Variants in TOPAZ1 observed in about 807,000 individuals in gnomAD.
TOPAZ1 encodes the protein testis and ovary specific TOPAZ 1.
A neutral mutation model predicts 172.2 loss-of-function variants in TOPAZ1; 66 were observed. The observed-to-expected ratio is 0.38, with a 90% CI of 0.31 to 0.47. The LOEUF (loss-of-function observed/expected upper bound fraction) is 0.47. TOPAZ1 is among the 20% of genes least tolerant of loss of function. TOPAZ1 has a pLI of 0.99. For missense variants in TOPAZ1, 1,822 were observed against 1,972.4 expected (o/e 0.92, Z 1.44); for synonymous variants, 681 against 683.9 (o/e 1.00, Z 0.07).
At chr3:44,326,395 T>C (rs1386894456) in intron 18 of TOPAZ1, among the ~76,000 whole-genome samples, 1 of 152,242 alleles carries the variant, frequency 6.6e-6, no homozygotes, top group African/African-American at 2.4e-5. Flanking sequence ...TTCATATCCC[T>C]AATAACTAAT....
At chr3:44,298,909 A>ATATATATATATATATATATTT (rs1287571186) in intron 12 of TOPAZ1, among the ~76,000 whole-genome samples, 1 of 41,312 alleles carries the variant, frequency 2.4e-5, no homozygotes, top group African/African-American at 7.7e-5. Context: ...ATATATATAT[A>ATATATATATATATATATATTT]TTTTTTTTTT....
chr3:44,254,821 T>TCATTATAGGTGCACTG, intron 2 of TOPAZ1, 147 bp from the exon 3 acceptor site: 1 of 493,434 alleles, frequency 2.0e-6, no homozygotes, highest in Non-Finnish European at 3.6e-6. Context: ...CACTGGGTTC[T>TCATTATAGGTGCACTG]GTGTCTCATT....
At chr3:44,308,243 A>G in intron 15 of TOPAZ1, among the ~76,000 whole-genome samples, 1 of 151,962 alleles carries the variant, frequency 6.6e-6, no homozygotes, top group Non-Finnish European at 1.5e-5. Flanking sequence ...GGGTGACAGA[A>G]CAAGACTCCA....
chr3:44,268,418 G>A (rs1454370453), intron 6 of TOPAZ1, among the ~76,000 whole-genome samples: 2 of 140,544 alleles, frequency 1.4e-5, no homozygotes, highest in African/African-American at 5.3e-5. Context: ...CTATAGCCCA[G>A]GCTGGAGTGC....
At chr3:44,257,183 T>G (rs980224716) in intron 4 of TOPAZ1, among the ~76,000 whole-genome samples, 9 of 151,808 alleles carry the variant, frequency 5.9e-5, no homozygotes, top group African/African-American at 2.2e-4. Context: ...AATTTTTTTT[T>G]AATTAGCAAG....
At chr3:44,295,864 A>G (rs1006747235) in intron 12 of TOPAZ1, among the ~76,000 whole-genome samples, 1 of 152,192 alleles carries the variant, frequency 6.6e-6, no homozygotes, top group Admixed American at 6.5e-5. Context: ...ACCTCCATCA[A>G]TCAACAGGGT....
At chr3:44,286,929 C>T (rs966167493) in intron 9 of TOPAZ1, among the ~76,000 whole-genome samples, 1 of 152,128 alleles carries the variant, frequency 6.6e-6, no homozygotes, top group African/African-American at 2.4e-5. Flanking sequence ...AAAAATATCC[C>T]CATCCATGAC....
At chr3:44,317,456 GA>G (rs1256254467) in intron 16 of TOPAZ1, among the ~76,000 whole-genome samples, 2 of 152,072 alleles carry the variant, frequency 1.3e-5, no homozygotes, top group Non-Finnish European at 2.9e-5. Flanking sequence ...TACCTTAGGG[GA>G]AAAATAGGTA....
intron 16 of TOPAZ1, among the ~76,000 whole-genome samples, chr3:44,314,669 C>G (rs1377399368): frequency 6.6e-6 from 1 of 151,962 alleles, no homozygotes; most frequent in Non-Finnish European, 1.5e-5. Context: ...TAGTCAGCCT[C>G]CTGAGCAAAA....
intron 12 of TOPAZ1, among the ~76,000 whole-genome samples, chr3:44,294,226 C>T (rs1487232574): frequency 6.9e-6 from 1 of 144,442 alleles, no homozygotes; most frequent in African/African-American, 2.7e-5. Context: ...GACAACAGAG[C>T]AAGACTCTGT....
intron 16 of TOPAZ1, among the ~76,000 whole-genome samples, chr3:44,314,805 A>T (rs959814137): frequency 1.3e-5 from 2 of 152,128 alleles, no homozygotes; most frequent in Non-Finnish European, 2.9e-5. Flanking sequence ...CTGATTCATT[A>T]AGTCTGGGGT....
At chr3:44,312,927 T>C (rs1700411150) in intron 16 of TOPAZ1, among the ~76,000 whole-genome samples, 1 of 152,224 alleles carries the variant, frequency 6.6e-6, no homozygotes, top group African/African-American at 2.4e-5. Flanking sequence ...AAATCCCATA[T>C]CATTTGGTCA....
At chr3:44,324,522 C>T (rs980097059) in intron 18 of TOPAZ1, among the ~76,000 whole-genome samples, 1 of 151,818 alleles carries the variant, frequency 6.6e-6, no homozygotes, top group Non-Finnish European at 1.5e-5. Flanking sequence ...GTTTATATGC[C>T]ACAGGAACAA....
chr3:44,244,236 C>T lies in TOPAZ1; in HGVS notation c.1730C>T (p.Ala577Val), dbSNP rs1217702717. 1.3e-6 allele frequency: 2 copies of T among 1,548,534 alleles called. No individual in the cohort carries two copies. Among genetic ancestry groups the T allele is most frequent in the Non-Finnish European group, 1.7e-6 (2 of 1,145,470 alleles). The change falls in exon 2 of 20, where the codon GCA becomes GTA. Residue 577 changes from alanine (A) to valine (V), a missense_variant. This residue lies in a region of TOPAZ1 where 1,489 missense variants were observed against 1,490.8 expected (regional missense o/e 1.00). Coordinates refer to ENST00000309765, the MANE Select transcript of TOPAZ1 (RefSeq NM_001145030.2). ...SNSNCLSSVS[A>V]VEPTLMVIKE... ...TCTAATTGTTTGTCTTCAGTTTCTG[C>T]AGTAGAACCTACTTTAATGGTTATA...
intron 12 of TOPAZ1, among the ~76,000 whole-genome samples, chr3:44,300,433 A>AG (rs1700258903): frequency 2.1e-5 from 1 of 47,128 alleles, no homozygotes; most frequent in Non-Finnish European, 5.2e-5. Flanking sequence ...TTAAAAAAAA[A>AG]GAAAGAAAAG....
rs61457692 is a variant in TOPAZ1, at chr3:44,297,578, A to G, written c.3798-6437A>G. On this transcript the variant is annotated intron_variant, in intron 12 of 19. Coordinates refer to ENST00000309765, the MANE Select transcript of TOPAZ1 (RefSeq NM_001145030.2). ...GATGCTTCTTCCTAAGACTGGGAAC[A>G]TGGCAAGGATGTTCACTGATACCAC... Among the ~76,000 whole-genome samples the G allele has an allele frequency of 2.5e-3, 381 of 152,324 alleles. 4 individuals are homozygous for G. Among genetic ancestry groups the G allele is most frequent in the African/African-American group, 8.8e-3 (367 of 41,564 alleles).
At chr3:44,323,733 C>T (rs762644043) in intron 18 of TOPAZ1, among the ~76,000 whole-genome samples, 7 of 152,158 alleles carry the variant, frequency 4.6e-5, no homozygotes, top group Non-Finnish European at 1.0e-4. Context: ...TAAAGGCTGT[C>T]ATAACAATGC....
chr3:44,304,666 T>C (rs1324771721), intron 13 of TOPAZ1, among the ~76,000 whole-genome samples: 2 of 152,230 alleles, frequency 1.3e-5, no homozygotes, highest in Admixed American at 1.3e-4. Flanking sequence ...AGATAATAAG[T>C]TGATTGAAAT....
Position 44,286,627 on chromosome 3 carries a change from A to G in TOPAZ1, c.3437-762A>G, listed in dbSNP as rs190867290. Among the ~76,000 whole-genome samples the G allele has an allele frequency of 4.8e-4, 73 of 152,340 alleles. No homozygotes were observed. In the East Asian group the frequency reaches 0.011, roughly 24 times the overall value. On this transcript the variant is annotated intron_variant, in intron 9 of 19. Transcript: ENST00000309765. ...AATACCAGGTAATCCAGCTAGTAATAAATATTTCTAATAGAAGTAATTAAC... is the reference window on the plus strand; with the variant it reads ...AATACCAGGTAATCCAGCTAGTAATGAATATTTCTAATAGAAGTAATTAAC...
Sources: allele counts gnomAD v4.1 joint callset (sites outside exome capture counted in the v4.1 genomes callset), GRCh38; gene constraint gnomAD v4.1.1; regional missense constraint gnomAD v4.1.1; transcripts MANE v1.5; gene names NCBI Gene and HGNC (gene_info 2026-07-23, HGNC 2026-07-21).